Variants in LPIN2 observed in about 807,000 individuals in gnomAD.
LPIN2 encodes the protein lipin 2, also known as phosphatidate phosphatase LPIN2.
LPIN2 carries 55 observed loss-of-function variants against 111.4 expected under a neutral mutation model. The ratio of observed to expected loss-of-function variants is 0.49; its 90% CI spans 0.40 to 0.62. LPIN2 has a LOEUF of 0.62. Ranked by LOEUF, LPIN2 falls within the 20% of genes least tolerant of loss-of-function variation. The pLI is 0.00. For synonymous variants in LPIN2, 425 were observed against 414.0 expected (o/e 1.03, Z -0.32); for missense variants, 992 against 1,112.1 (o/e 0.89, Z 1.54).
chr18:2,990,903 A>G (rs1168368245), intron 1 of LPIN2: 1 of 544,296 alleles, frequency 1.8e-6, no homozygotes, highest in Middle Eastern at 4.4e-4. Context: ...TCATCCTGGT[A>G]TGATGCCAGC....
intron 1 of LPIN2, among the ~76,000 whole-genome samples, chr18:3,004,711 C>T (rs1194911228): frequency 2.6e-5 from 4 of 152,194 alleles, no homozygotes. Context: ...CTCCCCAACA[C>T]CTTTAGTCAC....
chr18:2,942,964 T>C (rs1475612558), intron 4 of LPIN2, among the ~76,000 whole-genome samples: 3 of 152,194 alleles, frequency 2.0e-5, no homozygotes, highest in Non-Finnish European at 4.4e-5. Flanking sequence ...TGACTTTCAG[T>C]CAGGGCTGGG....
intron 1 of LPIN2, among the ~76,000 whole-genome samples, chr18:2,990,110 T>C (rs2078243588): frequency 6.6e-6 from 1 of 152,132 alleles, no homozygotes; most frequent in Non-Finnish European, 1.5e-5. Context: ...CTGACACAAC[T>C]AAGTTTCTAT....
intron 1 of LPIN2, among the ~76,000 whole-genome samples, chr18:2,973,455 A>T (rs1238770769): frequency 6.6e-6 from 1 of 152,194 alleles, no homozygotes; most frequent in African/African-American, 2.4e-5. Flanking sequence ...GTACCTTTGG[A>T]TTCTGGCTTC....
At chr18:2,939,862 T>C (rs1401759621) in intron 5 of LPIN2, among the ~76,000 whole-genome samples, 2 of 152,190 alleles carry the variant, frequency 1.3e-5, no homozygotes, top group Non-Finnish European at 2.9e-5. Flanking sequence ...CTCATTTGCT[T>C]TTCACAAGAA....
At chr18:2,962,177 G>A (rs962201949) in intron 1 of LPIN2, among the ~76,000 whole-genome samples, 4 of 152,126 alleles carry the variant, frequency 2.6e-5, no homozygotes, top group Admixed American at 6.5e-5. Context: ...TCCTACACGC[G>A]GATGAATGTG....
intron 1 of LPIN2, among the ~76,000 whole-genome samples, chr18:3,009,198 C>T (rs1212092753): frequency 6.6e-6 from 1 of 151,818 alleles, no homozygotes; most frequent in Admixed American, 6.6e-5. Context: ...AGGAGATCAA[C>T]ACTATTCTGG....
At chr18:2,943,797 C>G (rs17556090) in intron 4 of LPIN2, among the ~76,000 whole-genome samples, 17,991 of 152,218 alleles carry the variant, frequency 0.12, 1,192 homozygotes, top group South Asian at 0.16. Context: ...AGTGTAACAT[C>G]ATGAGTCTGG....
chr18:2,919,815 C>T lies in LPIN2; in HGVS notation c.*478G>A, dbSNP rs1055554584. 3.3e-5 allele frequency: 7 copies of T among 213,534 alleles called. No individual in the cohort carries two copies. Among genetic ancestry groups the T allele is most frequent in the Admixed American group, 1.0e-4 (2 of 19,070 alleles). 13.2% of individuals were successfully genotyped at this position (213,534 alleles called of 1,614,324 possible). ...GGAAATGAGGCGACCAGAGAAGAAA[C>T]GTGCACAGGCAGCTTCAGCCAGCAT... is the stretch of plus-strand genomic sequence containing the variant. On this transcript the variant is annotated 3_prime_UTR_variant, in exon 20 of 20. Coordinates refer to ENST00000677752, the MANE Select transcript of LPIN2 (RefSeq NM_001375808.2).
intron 11 of LPIN2, 28 bp from the exon 12 acceptor site, chr18:2,927,839 G>C: frequency 1.2e-6 from 2 of 1,600,160 alleles, no homozygotes; most frequent in African/African-American, 2.7e-5. Flanking sequence ...GGGTTAGTCT[G>C]GGCAATCTAC....
chr18:2,946,153 T>G (rs762366737), intron 4 of LPIN2: 3 of 1,609,882 alleles, frequency 1.9e-6, no homozygotes, highest in Non-Finnish European at 2.6e-6. Flanking sequence ...GTTTATCAAG[T>G]GCTTGTTTTA....
intron 1 of LPIN2, among the ~76,000 whole-genome samples, chr18:2,986,559 A>AAAAG (rs2078189283): frequency 2.6e-5 from 4 of 151,950 alleles, no homozygotes; most frequent in Non-Finnish European, 5.9e-5. Flanking sequence ...AAAAAAAAAA[A>AAAAG]AAAAGAAAGA....
At chr18:2,979,081 G>C (rs1567850653) in intron 1 of LPIN2, 2 of 152,416 alleles carry the variant, frequency 1.3e-5, no homozygotes, top group African/African-American at 2.4e-5. Context: ...GGCCTCAAGT[G>C]ATCTACCTGC....
chr18:2,961,015 C>T (rs74550655), intron 1 of LPIN2, among the ~76,000 whole-genome samples, 166 bp from the exon 2 acceptor site: 369 of 152,258 alleles, frequency 2.4e-3, no homozygotes, highest in African/African-American at 8.3e-3. Context: ...ATTGTTTCTA[C>T]GCATTTCCAC....
In LPIN2 at chr18:2,918,693, A is replaced by G. The variant is rs939510058; in HGVS notation, c.*1600T>C. On this transcript the variant is annotated 3_prime_UTR_variant, in exon 20 of 20. Coordinates refer to ENST00000677752, the MANE Select transcript of LPIN2 (RefSeq NM_001375808.2). ...AGAACTGTGTTTAGGGGATTTCAAC[A>G]TTGTCTCTGCATCCGACAAGCACTA... 1 of 152,148 alleles carries G rather than the reference A, an allele frequency of 6.6e-6. No individual in the cohort carries two copies. The highest frequency in any genetic ancestry group is 1.5e-5 in the Non-Finnish European group (1 of 68,028). The allele number at this position is 152,148 out of a possible 1,614,324, so 9.4% of individuals were successfully genotyped here.
Position 3,000,049 on chromosome 18 carries a change from AAAG to A in LPIN2, c.-10+13035_-10+13037del, listed in dbSNP as rs1188327389. ...TGTTTTGTTTTTTTTTTTCTTTTAAAAAGAAGAAGAGGAGGAGGAGGAGGAAGA... is the reference window on the plus strand; with the variant it reads ...TGTTTTGTTTTTTTTTTTCTTTTAAAAAGAAGAGGAGGAGGAGGAGGAAGA... On this transcript the variant is annotated intron_variant, in intron 1 of 19. Coordinates refer to ENST00000677752, the MANE Select transcript of LPIN2 (RefSeq NM_001375808.2). Among the ~76,000 whole-genome samples, 388 of 149,120 alleles carry A rather than the reference AAAG, an allele frequency of 2.6e-3. 2 individuals are homozygous for A. The highest frequency in any genetic ancestry group is 6.1e-3 in the East Asian group (31 of 5,042).
At position 2,929,120 on chromosome 18, in the gene LPIN2, C is replaced by T; in HGVS notation, c.1495G>A (p.Ala499Thr). Residue 499 changes from alanine (A) to threonine (T), a missense_variant, in exon 10 of 20, where the codon GCA becomes ACA. Ala to Thr is a moderately conservative substitution (Grantham distance 58, BLOSUM62 0). Transcript: ENST00000677752. Reference sequence around the variant, plus strand: ...TTGTCTATAAGTCCAGGGTTTTCTGCAAATTCGTGATAAGTAATGATATGC... The same window carrying T: ...TTGTCTATAAGTCCAGGGTTTTCTGTAAATTCGTGATAAGTAATGATATGC... Reference protein sequence around the residue: ...MEHIITYHEFAENPGLIDNPN... With the variant: ...MEHIITYHEFTENPGLIDNPN... 1 of 1,608,274 alleles carries T rather than the reference C, an allele frequency of 6.2e-7. No homozygotes were observed. The highest frequency in any genetic ancestry group is 8.5e-7 in the Non-Finnish European group (1 of 1,174,982).
At chr18:2,947,082 T>C (rs1311355502) in intron 4 of LPIN2, among the ~76,000 whole-genome samples, 1 of 152,218 alleles carries the variant, frequency 6.6e-6, no homozygotes, top group Non-Finnish European at 1.5e-5. Flanking sequence ...ATCAGAGCAG[T>C]AGGTGCTATC....
chr18:2,952,540 G>A (rs2077552077), intron 3 of LPIN2, among the ~76,000 whole-genome samples: 1 of 152,116 alleles, frequency 6.6e-6, no homozygotes, highest in Non-Finnish European at 1.5e-5. Context: ...TTTGAACTTA[G>A]CTTTGATAAA....
Sources: gnomAD v4.1 joint callset for allele counts (sites outside exome capture counted in the v4.1 genomes callset) on GRCh38, gnomAD v4.1.1 for gene constraint, MANE v1.5 for transcripts, NCBI Gene and HGNC (gene_info 2026-07-23, HGNC 2026-07-21) for gene names.